ZNF804B: variants seen among roughly 807,000 people sequenced by gnomAD.
ZNF804B encodes zinc finger protein 804B.
Under a neutral mutation model 101.4 loss-of-function variants are expected in ZNF804B, and 80 were observed. That is an observed-to-expected ratio of 0.79 (90% CI 0.66 to 0.95). ZNF804B has a LOEUF of 0.95. Ranked by LOEUF, ZNF804B falls within the 40% of genes least tolerant of loss-of-function variation. The probability of loss-of-function intolerance (pLI) is 0.00; values close to 1 mark genes in which losing one functional copy is unlikely to be tolerated. For missense variants in ZNF804B, 1,673 were observed against 1,561.9 expected (o/e 1.07, Z -1.20); for synonymous variants, 622 against 558.8 (o/e 1.11, Z -1.59).
intron 1 of ZNF804B, among the ~76,000 whole-genome samples, chr7:88,915,114 C>A (rs1792613373): frequency 1.3e-5 from 2 of 152,040 alleles, no homozygotes; most frequent in South Asian, 4.2e-4. Flanking sequence ...AACTGAGCAC[C>A]ATTTTGATAT....
rs17165173 is a variant in ZNF804B at position 88,899,682 on chromosome 7, A to G, written c.108+139598A>G. On this transcript the variant is annotated intron_variant, in intron 1 of 3. Transcript: ENST00000333190. Reference sequence around the variant, plus strand: ...CTCATTACTTCTGGAATCAATTCCAACTTACTTCAATTTATTCAAGACAAG... The same window carrying G: ...CTCATTACTTCTGGAATCAATTCCAGCTTACTTCAATTTATTCAAGACAAG... Among the ~76,000 whole-genome samples the G allele has an allele frequency of 8.5e-3, 1,293 of 152,280 alleles. 14 individuals carry two copies. Among genetic ancestry groups the G allele is most frequent in the Middle Eastern group, 0.024 (7 of 294 alleles).
chr7:88,969,894 A>G (rs1254858508), intron 1 of ZNF804B, among the ~76,000 whole-genome samples: 2 of 150,742 alleles, frequency 1.3e-5, no homozygotes, highest in South Asian at 2.1e-4. Context: ...GTATTGTAAT[A>G]TAACATATAA....
intron 1 of ZNF804B, among the ~76,000 whole-genome samples, chr7:88,795,444 C>T (rs1002351408): frequency 2.0e-5 from 3 of 152,052 alleles, no homozygotes; most frequent in Non-Finnish European, 4.4e-5. Flanking sequence ...TGAATAATAA[C>T]AGTAAACATT....
intron 1 of ZNF804B, among the ~76,000 whole-genome samples, chr7:89,178,996 C>T (rs1222865845): frequency 6.6e-6 from 1 of 152,154 alleles, no homozygotes; most frequent in Admixed American, 6.5e-5. Flanking sequence ...ATGCCACTCT[C>T]CTAACCTGTA....
chr7:88,779,306 C>T (rs188207532), intron 1 of ZNF804B, among the ~76,000 whole-genome samples: 189 of 152,312 alleles, frequency 1.2e-3, no homozygotes, highest in Admixed American at 3.0e-3. Flanking sequence ...TGCCCATTGA[C>T]ATTATGAAAT....
intron 2 of ZNF804B, among the ~76,000 whole-genome samples, chr7:89,273,998 G>C (rs541596244): frequency 9.9e-5 from 15 of 151,756 alleles, no homozygotes; most frequent in South Asian, 2.1e-4. Context: ...TTTCAAATTC[G>C]CGTCTTGGCC....
At chr7:89,206,812 G>C in intron 1 of ZNF804B, among the ~76,000 whole-genome samples, 1 of 152,110 alleles carries the variant, frequency 6.6e-6, no homozygotes, top group Non-Finnish European at 1.5e-5. Flanking sequence ...CAGCACCCAA[G>C]TCAGCTTTTG....
intron 3 of ZNF804B, among the ~76,000 whole-genome samples, chr7:89,330,254 A>T (rs1288348120): frequency 6.6e-6 from 1 of 151,676 alleles, no homozygotes; most frequent in Non-Finnish European, 1.5e-5. Context: ...TATTGTTCAA[A>T]GTTTATAAAC....
At chr7:89,032,234 G>A (rs1333301611) in intron 1 of ZNF804B, among the ~76,000 whole-genome samples, 8 of 133,150 alleles carry the variant, frequency 6.0e-5, no homozygotes, top group Non-Finnish European at 1.3e-4. Flanking sequence ...ACCAGAAATG[G>A]TTTCAAATTT....
intron 1 of ZNF804B, among the ~76,000 whole-genome samples, chr7:88,848,621 C>CTTT (rs35391874): frequency 6.9e-4 from 77 of 111,122 alleles, no homozygotes; most frequent in African/African-American, 2.3e-3. Flanking sequence ...AATGCATTTT[C>CTTT]TTTTTTTTTT....
chr7:89,330,943 A>G (rs1373926987), intron 3 of ZNF804B, among the ~76,000 whole-genome samples: 1 of 151,134 alleles, frequency 6.6e-6, no homozygotes, highest in African/African-American at 2.4e-5. Flanking sequence ...ACATAAAGCA[A>G]GAAAATGAAT....
chr7:89,174,111 C>A (rs901221954), intron 1 of ZNF804B, among the ~76,000 whole-genome samples: 2 of 151,842 alleles, frequency 1.3e-5, no homozygotes, highest in Admixed American at 1.3e-4. Context: ...TGTTTTAGTT[C>A]TTTTAAAATG....
chr7:89,082,396 C>A (rs897521108), intron 1 of ZNF804B, among the ~76,000 whole-genome samples: 1 of 151,252 alleles, frequency 6.6e-6, no homozygotes, highest in African/African-American at 2.4e-5. Context: ...TATTATTTTT[C>A]TTACAAGCAC....
chr7:89,248,281 C>T (rs530292149), intron 2 of ZNF804B, among the ~76,000 whole-genome samples: 14 of 151,704 alleles, frequency 9.2e-5, no homozygotes, highest in African/African-American at 1.2e-4. Context: ...CTATACAAAA[C>T]GAACAACACC....
At chr7:89,325,497 A>G (rs1790883800) in intron 2 of ZNF804B, among the ~76,000 whole-genome samples, 1 of 152,084 alleles carries the variant, frequency 6.6e-6, no homozygotes, top group Non-Finnish European at 1.5e-5. Context: ...AGTAAGAATA[A>G]TAAGGATTAA....
intron 2 of ZNF804B, among the ~76,000 whole-genome samples, chr7:89,270,837 G>A (rs1714384069): frequency 6.6e-6 from 1 of 152,128 alleles, no homozygotes; most frequent in African/African-American, 2.4e-5. Flanking sequence ...AATTGTGAAT[G>A]GGAGTTCACT....
At position 89,056,382 on chromosome 7, in the gene ZNF804B, A is replaced by G. The variant is rs115724783; in HGVS notation, c.109-161773A>G. On this transcript the variant is annotated intron_variant, in intron 1 of 3. Coordinates refer to ENST00000333190, the MANE Select transcript of ZNF804B (RefSeq NM_181646.5). ...ACATAGAGAAAAGTAGAGAGGTGCT[A>G]TGTATGTTTAGAAGTAAAATCAACC... 5.5e-3 allele frequency among the ~76,000 whole-genome samples: 832 copies of G among 152,188 alleles called. 10 individuals are homozygous for G. Among genetic ancestry groups the G allele is most frequent in the African/African-American group, 0.019 (790 of 41,556 alleles).
intron 1 of ZNF804B, among the ~76,000 whole-genome samples, chr7:88,819,932 T>G (rs1790949575): frequency 6.6e-6 from 1 of 152,196 alleles, no homozygotes; most frequent in Non-Finnish European, 1.5e-5. Context: ...AAGCATAGTT[T>G]GTCCTGTGAA....
At chr7:89,075,824 G>A (rs1446020804) in intron 1 of ZNF804B, among the ~76,000 whole-genome samples, 3 of 152,224 alleles carry the variant, frequency 2.0e-5, no homozygotes, top group Non-Finnish European at 4.4e-5. Flanking sequence ...CAGCCATGGG[G>A]CAAAGGTGCC....
Sources: gnomAD v4.1 joint callset for allele counts (sites outside exome capture counted in the v4.1 genomes callset) on GRCh38, gnomAD v4.1.1 for gene constraint, MANE v1.5 for transcripts, NCBI Gene and HGNC (gene_info 2026-07-23, HGNC 2026-07-21) for gene names.